Variants in CLEC16A observed in about 807,000 individuals in gnomAD.
The protein encoded by CLEC16A is protein CLEC16A.
Under a neutral mutation model 109.5 loss-of-function variants are expected in CLEC16A, and 51 were observed. That is an observed-to-expected ratio of 0.47 (90% CI 0.37 to 0.59). The LOEUF (loss-of-function observed/expected upper bound fraction) is 0.59, where lower values mean the gene tolerates loss of function less well. Ranked by LOEUF, CLEC16A falls within the 20% of genes least tolerant of loss-of-function variation. CLEC16A has a pLI of 0.00. For synonymous variants in CLEC16A, 673 were observed against 564.2 expected, an observed-to-expected ratio of 1.19 and a Z score of -2.73; for missense variants, 1,339 against 1,394.0, an observed-to-expected ratio of 0.96 and a Z score of 0.63.
At chr16:10,964,497 T>C (rs2042407213) in intron 3 of CLEC16A, among the ~76,000 whole-genome samples, 1 of 152,218 alleles carries the variant, frequency 6.6e-6, no homozygotes, top group Non-Finnish European at 1.5e-5. Context: ...GAGAGCACAG[T>C]GGCTGCAGCA....
intron 19 of CLEC16A, among the ~76,000 whole-genome samples, chr16:11,107,985 G>A (rs62029615): frequency 6.6e-6 from 1 of 152,206 alleles, no homozygotes; most frequent in African/African-American, 2.4e-5. Context: ...GGTGGCCAAG[G>A]CCCCTCCTGC....
At chr16:11,091,728 C>A (rs144657062) in intron 19 of CLEC16A, among the ~76,000 whole-genome samples, 4 of 152,224 alleles carry the variant, frequency 2.6e-5, no homozygotes, top group Admixed American at 1.3e-4. Context: ...GCTTTGAGCA[C>A]GATGCCTGAA....
At chr16:10,968,159 C>T (rs1452541606) in intron 3 of CLEC16A, among the ~76,000 whole-genome samples, 1 of 152,236 alleles carries the variant, frequency 6.6e-6, no homozygotes, top group Non-Finnish European at 1.5e-5. Context: ...GCAGTGCCTG[C>T]CTTGCAGGGT....
chr16:11,106,198 GA>G (rs2051208656), intron 19 of CLEC16A, among the ~76,000 whole-genome samples: 2 of 152,124 alleles, frequency 1.3e-5, no homozygotes, highest in African/African-American at 4.8e-5. Flanking sequence ...ATTTTATTTT[GA>G]AACCTTCCAA....
At chr16:11,135,685 G>T (rs551329043) in intron 22 of CLEC16A, among the ~76,000 whole-genome samples, 1 of 152,246 alleles carries the variant, frequency 6.6e-6, no homozygotes, top group Non-Finnish European at 1.5e-5. Flanking sequence ...CAGTAGGTGG[G>T]GGGAGAGAAC....
intron 19 of CLEC16A, among the ~76,000 whole-genome samples, chr16:11,083,145 GTTGTTGT>G (rs541273596): frequency 0.017 from 2,174 of 129,556 alleles, 30 homozygotes; most frequent in Non-Finnish European, 0.02. Flanking sequence ...TGTTGTTGTT[GTTGTTGT>G]TTGTTTGTTT....
At chr16:10,979,915 T>G (rs758463454) in intron 9 of CLEC16A, among the ~76,000 whole-genome samples, 4 of 152,050 alleles carry the variant, frequency 2.6e-5, no homozygotes, top group Non-Finnish European at 5.9e-5. Context: ...TTTATCTCCC[T>G]CCCCTCCTTC....
intron 11 of CLEC16A, among the ~76,000 whole-genome samples, chr16:11,019,253 C>T (rs192722413): frequency 4.4e-4 from 67 of 152,310 alleles, no homozygotes; most frequent in South Asian, 1.0e-3. Flanking sequence ...CACCATAAAG[C>T]CCAACCCTCA....
At chr16:11,098,326 G>T (rs74828113) in intron 19 of CLEC16A, among the ~76,000 whole-genome samples, 1 of 152,376 alleles carries the variant, frequency 6.6e-6, no homozygotes, top group Non-Finnish European at 1.5e-5. Flanking sequence ...ATGCGTGCCT[G>T]TGCACGCCGA....
At position 11,174,839 on chromosome 16, in the gene CLEC16A, C is replaced by A. The variant is rs561112531; in HGVS notation, c.2807-3496C>A. 1.7e-4 allele frequency among the ~76,000 whole-genome samples: 26 copies of A among 152,378 alleles called. No homozygotes were observed. The South Asian group carries it at 5.2e-3, about 30-fold the overall frequency. ...AGACACATGGATGGATGTGGCCCCA[C>A]CATCTCCCTTTCTGAGTGGCACCCA... On this transcript the variant is annotated intron_variant, in intron 23 of 23. Coordinates refer to ENST00000409790, the MANE Select transcript of CLEC16A (RefSeq NM_015226.3). This position sits in a 1 kb window ranked among gnomAD's most constrained non-coding sequence, Gnocchi z 4.7.
chr16:11,162,942 C>T (rs543873110), intron 22 of CLEC16A, among the ~76,000 whole-genome samples: 3 of 152,324 alleles, frequency 2.0e-5, no homozygotes, highest in African/African-American at 7.2e-5. Context: ...ACACATTTTG[C>T]AGGCTGTCCT....
intron 10 of CLEC16A, among the ~76,000 whole-genome samples, chr16:10,993,563 T>C (rs1168594149): frequency 6.6e-6 from 1 of 152,196 alleles, no homozygotes; most frequent in African/African-American, 2.4e-5. Context: ...CTATTCCAAG[T>C]CTTTTTATCA....
chr16:11,163,990 C>T (rs1267335677), intron 22 of CLEC16A, among the ~76,000 whole-genome samples: 1 of 152,182 alleles, frequency 6.6e-6, no homozygotes, highest in Non-Finnish European at 1.5e-5. Flanking sequence ...AAAACTGGTT[C>T]CATGAGGCTG....
At chr16:10,945,318 A>G (rs2041298932) in intron 1 of CLEC16A, among the ~76,000 whole-genome samples, 1 of 152,316 alleles carries the variant, frequency 6.6e-6, no homozygotes, top group Non-Finnish European at 1.5e-5. Context: ...AACACGTACA[A>G]TTGCTCATTA....
intron 11 of CLEC16A, among the ~76,000 whole-genome samples, chr16:11,015,732 AAG>A (rs1302465862): frequency 6.6e-6 from 1 of 152,232 alleles, no homozygotes; most frequent in Non-Finnish European, 1.5e-5. Flanking sequence ...TTAAGCCAGA[AAG>A]GGGACAACTA....
chr16:11,166,272 G>A (rs1048736897), intron 22 of CLEC16A, 116 bp from the exon 23 acceptor site: 3 of 1,170,162 alleles, frequency 2.6e-6, no homozygotes, highest in Non-Finnish European at 3.5e-6. Context: ...CCTGTTCCAG[G>A]GAACAGAGCA....
At chr16:11,094,485 G>T (rs911943736) in intron 19 of CLEC16A, among the ~76,000 whole-genome samples, 13 of 152,222 alleles carry the variant, frequency 8.5e-5, no homozygotes, top group Non-Finnish European at 1.5e-4. Flanking sequence ...TCAGAGGAGG[G>T]GCAGCTGAGA....
chr16:11,026,530 AG>A (rs2046410746), intron 13 of CLEC16A, among the ~76,000 whole-genome samples: 1 of 151,236 alleles, frequency 6.6e-6, no homozygotes, highest in Non-Finnish European at 1.5e-5. Flanking sequence ...TTGATAATTT[AG>A]GTCTTCATTT....
intron 2 of CLEC16A, among the ~76,000 whole-genome samples, chr16:10,959,648 TC>T: frequency 6.6e-6 from 1 of 152,266 alleles, no homozygotes; most frequent in East Asian, 1.9e-4. Context: ...AGCCTCAGGT[TC>T]CCTAAGTGCT....
Sources: gnomAD v4.1 joint callset for allele counts (sites outside exome capture counted in the v4.1 genomes callset) on GRCh38, gnomAD v4.1.1 for gene constraint, Gnocchi (gnomAD v3.1) non-coding constraint, MANE v1.5 for transcripts, NCBI Gene and HGNC (gene_info 2026-07-23, HGNC 2026-07-21) for gene names.